The following CFDP1 variants were observed in gnomAD, a reference collection of about 807,000 sequenced individuals.
The protein encoded by CFDP1 is heterochromatin-stabilizing protein CFDP1.
A neutral mutation model predicts 40.1 loss-of-function variants in CFDP1; 31 were observed. The ratio of observed to expected loss-of-function variants is 0.77; its 90% CI spans 0.58 to 1.04. CFDP1 has a LOEUF of 1.04. Among genes scored for constraint, CFDP1 ranks in the 50% least tolerant of loss-of-function variants. The pLI is 0.00. For synonymous variants in CFDP1, 167 were observed against 120.0 expected (o/e 1.39, Z -2.56); for missense variants, 423 against 343.4 (o/e 1.23, Z -1.83).
At chr16:75,298,148 T>C (rs1044595217) in intron 6 of CFDP1, among the ~76,000 whole-genome samples, 1 of 152,242 alleles carries the variant, frequency 6.6e-6, no homozygotes, top group Non-Finnish European at 1.5e-5. Flanking sequence ...AAATGAATTC[T>C]GTGTTTGTTT....
intron 1 of CFDP1, among the ~76,000 whole-genome samples, chr16:75,432,954 G>C (rs990850169): frequency 5.3e-5 from 8 of 152,186 alleles, no homozygotes; most frequent in Admixed American, 1.3e-4. Context: ...TCCAAGGCTC[G>C]GACTGCCGCC....
intron 4 of CFDP1, among the ~76,000 whole-genome samples, chr16:75,406,217 T>G (rs1396136455): frequency 6.6e-6 from 1 of 150,910 alleles, no homozygotes; most frequent in Non-Finnish European, 1.5e-5. Flanking sequence ...TCTAAAAAAA[T>G]AAAAACGAAT....
intron 6 of CFDP1, among the ~76,000 whole-genome samples, chr16:75,294,435 T>C (rs2078167585): frequency 1.3e-5 from 2 of 152,226 alleles, no homozygotes; most frequent in East Asian, 1.9e-4. Context: ...GGTGATGCTG[T>C]TTTTCTTGGC....
chr16:75,331,484 C>T (rs968114177), intron 5 of CFDP1, among the ~76,000 whole-genome samples: 1 of 152,096 alleles, frequency 6.6e-6, no homozygotes, highest in African/African-American at 2.4e-5. Context: ...CCCTATGTAA[C>T]TCATACCCAC....
chr16:75,401,436 A>C (rs2079052554), intron 4 of CFDP1, among the ~76,000 whole-genome samples: 1 of 150,578 alleles, frequency 6.6e-6, no homozygotes, highest in African/African-American at 2.4e-5. Flanking sequence ...CTCAAAAAAA[A>C]AAAAAAAAAA....
intron 5 of CFDP1, among the ~76,000 whole-genome samples, chr16:75,388,353 G>A (rs1383022995): frequency 2.0e-5 from 3 of 152,186 alleles, no homozygotes; most frequent in Non-Finnish European, 2.9e-5. Flanking sequence ...TGTAGTCTGA[G>A]AAGATAGTAT....
chr16:75,376,566 T>C (rs575230569), intron 5 of CFDP1, among the ~76,000 whole-genome samples: 1 of 152,164 alleles, frequency 6.6e-6, no homozygotes, highest in Admixed American at 6.5e-5. Context: ...AAATCAGTAG[T>C]TGCCTGGGGC....
chr16:75,331,726 T>G (rs2151515281), intron 5 of CFDP1, among the ~76,000 whole-genome samples: 1 of 140,854 alleles, frequency 7.1e-6, no homozygotes. Context: ...TGCCACACTT[T>G]GTTTATCCAT....
At chr16:75,393,383 G>C (rs1202258070) in intron 5 of CFDP1, among the ~76,000 whole-genome samples, 1 of 152,096 alleles carries the variant, frequency 6.6e-6, no homozygotes, top group African/African-American at 2.4e-5. Context: ...CAACCTAAGA[G>C]AGTATACTAG....
intron 1 of CFDP1, 120 bp from the exon 2 acceptor site, chr16:75,414,815 C>T (rs1356143655): frequency 2.9e-6 from 2 of 689,840 alleles, no homozygotes; most frequent in South Asian, 3.7e-5. Flanking sequence ...TGAATTTTCC[C>T]CTACTCTTCA....
rs144704703 is a variant in CFDP1, at chr16:75,401,109, A to G, written c.531-5900T>C. On this transcript the variant is annotated intron_variant, in intron 4 of 6. Transcript: ENST00000283882. ...AGGAGTTCCAGACCAGCCTGGCAAC[A>G]TGGTGAAACCCTGTCTCTATTAAGA... 6.5e-3 allele frequency among the ~76,000 whole-genome samples: 983 copies of G among 151,762 alleles called. 9 individuals are homozygous for G. The highest frequency in any genetic ancestry group is 0.017 in the Middle Eastern group (5 of 292).
intron 1 of CFDP1, among the ~76,000 whole-genome samples, chr16:75,427,944 A>G (rs2079359922): frequency 6.6e-6 from 1 of 152,238 alleles, no homozygotes; most frequent in Non-Finnish European, 1.5e-5. Context: ...ACACAGGTGA[A>G]TCTCAAATGC....
At chr16:75,398,951 G>A (rs2079023178) in intron 4 of CFDP1, among the ~76,000 whole-genome samples, 1 of 151,956 alleles carries the variant, frequency 6.6e-6, no homozygotes, top group South Asian at 2.1e-4. Context: ...CAGCTACTCG[G>A]GAGGCTGAGG....
At chr16:75,369,399 AAAC>A (rs1364595857) in intron 5 of CFDP1, among the ~76,000 whole-genome samples, 3 of 152,110 alleles carry the variant, frequency 2.0e-5, no homozygotes, top group African/African-American at 4.8e-5. Context: ...AACAAAAACA[AAAC>A]AACCCACAAA....
chr16:75,335,626 G>T (rs1014546106), intron 5 of CFDP1, among the ~76,000 whole-genome samples: 1 of 148,112 alleles, frequency 6.8e-6, no homozygotes, highest in Non-Finnish European at 1.5e-5. Flanking sequence ...GCACGATCTC[G>T]GCTCACTGCA....
At chr16:75,332,273 T>C (rs936852268) in intron 5 of CFDP1, among the ~76,000 whole-genome samples, 12 of 152,092 alleles carry the variant, frequency 7.9e-5, no homozygotes, top group African/African-American at 2.7e-4. Context: ...GAGACCCGCC[T>C]GGACAATATG....
intron 1 of CFDP1, among the ~76,000 whole-genome samples, chr16:75,415,383 C>A (rs966875203): frequency 6.6e-6 from 1 of 152,142 alleles, no homozygotes; most frequent in Non-Finnish European, 1.5e-5. Flanking sequence ...TTGAAGTGTA[C>A]ATACCAAAAA....
At chr16:75,337,663 G>A (rs2078498813) in intron 5 of CFDP1, among the ~76,000 whole-genome samples, 1 of 152,168 alleles carries the variant, frequency 6.6e-6, no homozygotes, top group Non-Finnish European at 1.5e-5. Context: ...TCTTACATGG[G>A]TGGCGCAGGA....
At chr16:75,410,950 A>G (rs1413888283) in intron 4 of CFDP1, among the ~76,000 whole-genome samples, 1 of 146,110 alleles carries the variant, frequency 6.8e-6, no homozygotes, top group Non-Finnish European at 1.5e-5. Context: ...CAGGAGTGGC[A>G]GCTCATGCCT....
Sources: allele counts gnomAD v4.1 joint callset (sites outside exome capture counted in the v4.1 genomes callset), GRCh38; gene constraint gnomAD v4.1.1; transcripts MANE v1.5; gene names NCBI Gene and HGNC (gene_info 2026-07-23, HGNC 2026-07-21).